SGCD: variants seen among roughly 807,000 people sequenced by gnomAD.
The protein encoded by SGCD is delta-sarcoglycan.
SGCD carries 18 observed loss-of-function variants against 36.6 expected under a neutral mutation model. The observed-to-expected ratio is 0.49, with a 90% CI of 0.34 to 0.73. The LOEUF is 0.73. Ranked by LOEUF, SGCD falls within the 30% of genes least tolerant of loss-of-function variation. SGCD has a pLI of 0.01. For missense variants in SGCD, 387 were observed against 346.7 expected, an observed-to-expected ratio of 1.12 and a Z score of -0.92; for synonymous variants, 133 against 130.6, an observed-to-expected ratio of 1.02 and a Z score of -0.12.
chr5:156,402,422 C>T (rs571004672), intron 3 of SGCD, among the ~76,000 whole-genome samples: 23 of 152,288 alleles, frequency 1.5e-4, no homozygotes, highest in Non-Finnish European at 2.9e-4. Context: ...CTGAAGGTTA[C>T]GTGCAAAAGA....
chr5:156,714,513 C>G (rs909840885), intron 7 of SGCD, among the ~76,000 whole-genome samples: 1 of 152,080 alleles, frequency 6.6e-6, no homozygotes, highest in East Asian at 1.9e-4. Context: ...TATCTTTAAA[C>G]AGAAACACAC....
chr5:156,161,587 A>G lies in SGCD; in HGVS notation c.-44+37568A>G, dbSNP rs1009151158. 1.2e-4 allele frequency among the ~76,000 whole-genome samples: 19 copies of G among 152,018 alleles called. 2 individuals are homozygous for G. Among genetic ancestry groups the G allele is most frequent in the African/African-American group, 4.4e-4 (18 of 41,250 alleles). On this transcript the variant is annotated intron_variant, in intron 3 of 9. Transcript: ENST00000517913. Reference sequence around the variant, plus strand: ...ATTGCAGAAATAAAACCAAGGCTATATATGTTGGACACCTAAACCCATGCT... The same window carrying G: ...ATTGCAGAAATAAAACCAAGGCTATGTATGTTGGACACCTAAACCCATGCT...
the SGCD span, among the ~76,000 whole-genome samples, chr5:155,784,950 A>G: frequency 6.6e-6 from 1 of 152,014 alleles, no homozygotes; most frequent in Admixed American, 6.6e-5. Flanking sequence ...ATGTAAATGG[A>G]CCCATCCACT....
In SGCD at chr5:156,159,003, T is replaced by G. The variant is rs959906097; in HGVS notation, c.-44+34984T>G. ...GAAGGCAGAAGACTTATCATCATTG[T>G]TTTGAGAAGCAGCATGCTATCTTTG... On this transcript the variant is annotated intron_variant, in intron 3 of 9. Coordinates refer to the SGCD transcript ENST00000517913. 4.6e-5 allele frequency among the ~76,000 whole-genome samples: 7 copies of G among 151,610 alleles called. No homozygotes were observed. In the South Asian group the frequency reaches 1.5e-3, roughly 31 times the overall value.
At chr5:156,437,213 T>G (rs1415679402) in intron 3 of SGCD, among the ~76,000 whole-genome samples, 1 of 152,192 alleles carries the variant, frequency 6.6e-6, no homozygotes, top group Non-Finnish European at 1.5e-5. Context: ...CCTTGTACCA[T>G]GTAAGTCATC....
At position 156,069,556 on chromosome 5, in the gene SGCD, G is replaced by A. The variant is rs539570274; in HGVS notation, c.-281-48322G>A. Among the ~76,000 whole-genome samples the A allele has an allele frequency of 1.1e-4, 17 of 152,150 alleles. No individual in the cohort carries two copies. The East Asian group carries it at 2.3e-3, about 21-fold the overall frequency. ...GTAGAATAGTTTGAAGTCAGGTAGCGTGATGCCTCCAGCTTTGTTCTTTTG... is the reference window on the plus strand; with the variant it reads ...GTAGAATAGTTTGAAGTCAGGTAGCATGATGCCTCCAGCTTTGTTCTTTTG... On this transcript the variant is annotated intron_variant, in intron 1 of 9. Coordinates refer to the SGCD transcript ENST00000517913.
chr5:156,643,040 G>GT (rs11407627), intron 6 of SGCD, among the ~76,000 whole-genome samples: 128,017 of 141,166 alleles, frequency 0.91, 58,108 homozygotes, highest in East Asian at 0.98. Flanking sequence ...TTTTTTGTTT[G>GT]TTTTTTTTTG....
chr5:155,930,724 G>A (rs1757083113), intron 1 of SGCD, among the ~76,000 whole-genome samples: 1 of 152,092 alleles, frequency 6.6e-6, no homozygotes, highest in African/African-American at 2.4e-5. Flanking sequence ...CATTACTTGG[G>A]AAACTGGAAT....
In SGCD at chr5:156,444,112, CT is replaced by C. The variant is rs1561699403; in HGVS notation, c.193-64488del. On this transcript the variant is annotated intron_variant, in intron 3 of 8. Coordinates refer to ENST00000337851, the MANE Select transcript of SGCD (RefSeq NM_000337.6). Reference sequence around the variant, plus strand: ...TCTCTCTCTCTCTCTCTCTCTCTCTCTCTCCCCTTCCCTCTCTCTCTCTCTC... The same window carrying C: ...TCTCTCTCTCTCTCTCTCTCTCTCTCCTCCCCTTCCCTCTCTCTCTCTCTC... Among the ~76,000 whole-genome samples, 11 of 93,978 alleles carry C rather than the reference CT, an allele frequency of 1.2e-4. 1 individual carries two copies. Among genetic ancestry groups the C allele is most frequent in the East Asian group, 3.6e-4 (1 of 2,748 alleles). The allele number at this position is 93,978 out of a possible 152,430, so 61.7% of individuals were successfully genotyped here. A position where few individuals can be genotyped will look rare whatever the true frequency, so the allele number is the denominator to read the frequency against.
chr5:156,230,438 A>G (rs938327676), intron 3 of SGCD, among the ~76,000 whole-genome samples: 3 of 151,896 alleles, frequency 2.0e-5, no homozygotes, highest in Admixed American at 6.6e-5. Flanking sequence ...AGCTGTAGTG[A>G]TTGTTATCTC....
At chr5:156,534,994 C>T (rs924582841) in intron 4 of SGCD, among the ~76,000 whole-genome samples, 2 of 152,126 alleles carry the variant, frequency 1.3e-5, no homozygotes, top group Non-Finnish European at 2.9e-5. Context: ...TTATTAATTC[C>T]AGTTGCAATG....
chr5:156,152,164 CTT>C (rs1433248614), intron 3 of SGCD, among the ~76,000 whole-genome samples: 3 of 151,484 alleles, frequency 2.0e-5, no homozygotes, highest in Non-Finnish European at 4.4e-5. Flanking sequence ...CAAATACAAA[CTT>C]GAGTTCATTT....
At chr5:155,808,454 C>T in the SGCD span, among the ~76,000 whole-genome samples, 1 of 152,168 alleles carries the variant, frequency 6.6e-6, no homozygotes, top group Non-Finnish European at 1.5e-5. Context: ...GACAGAGACA[C>T]CAGCTCTCTC....
At chr5:155,820,489 G>C in the SGCD span, among the ~76,000 whole-genome samples, 1 of 152,084 alleles carries the variant, frequency 6.6e-6, no homozygotes, top group Non-Finnish European at 1.5e-5. Flanking sequence ...GTGAAACCCT[G>C]TGTCTACTAA....
intron 1 of SGCD, among the ~76,000 whole-genome samples, chr5:156,056,329 C>T (rs927460394): frequency 6.9e-6 from 1 of 145,960 alleles, no homozygotes; most frequent in African/African-American, 2.5e-5. Context: ...GACCAGACTG[C>T]CTTTGTAGGA....
At chr5:155,853,500 A>G in the SGCD span, among the ~76,000 whole-genome samples, 1 of 152,112 alleles carries the variant, frequency 6.6e-6, no homozygotes, top group Non-Finnish European at 1.5e-5. Context: ...TTTACCTTTC[A>G]ATAGTTAGGA....
In SGCD at chr5:156,760,009, T is replaced by G. The variant is rs1757471252; in HGVS notation, c.*619T>G. ...GGCCTACCTTGGCTACCAGACATATTGGGGTTTTTGTAGTTGAATGAATGA... is the reference window on the plus strand; with the variant it reads ...GGCCTACCTTGGCTACCAGACATATGGGGGTTTTTGTAGTTGAATGAATGA... On this transcript the variant is annotated 3_prime_UTR_variant, in exon 9 of 9. Transcript: ENST00000337851. 1 of 152,246 alleles carries G rather than the reference T, an allele frequency of 6.6e-6. No homozygotes were observed. Among genetic ancestry groups the G allele is most frequent in the South Asian group, 2.1e-4 (1 of 4,824 alleles). The allele number at this position is 152,246 out of a possible 1,614,324, so 9.4% of individuals were successfully genotyped here.
chr5:156,284,149 A>G (rs1766530250), intron 3 of SGCD, among the ~76,000 whole-genome samples: 2 of 152,206 alleles, frequency 1.3e-5, no homozygotes, highest in South Asian at 4.1e-4. Flanking sequence ...TTAATAGACC[A>G]ATAACAGGCT....
At chr5:156,440,916 T>C (rs1366478404) in intron 3 of SGCD, among the ~76,000 whole-genome samples, 3 of 152,170 alleles carry the variant, frequency 2.0e-5, no homozygotes, top group Non-Finnish European at 4.4e-5. Flanking sequence ...TCTTTATACT[T>C]TCTTGGTGAT....
Sources: gnomAD v4.1 joint callset for allele counts (sites outside exome capture counted in the v4.1 genomes callset) on GRCh38, gnomAD v4.1.1 for gene constraint, MANE v1.5 for transcripts, NCBI Gene and HGNC (gene_info 2026-07-23, HGNC 2026-07-21) for gene names.